Variants in CD3G observed in about 807,000 individuals in gnomAD.
The protein encoded by CD3G is T-cell surface glycoprotein CD3 gamma chain.
A neutral mutation model predicts 28.3 loss-of-function variants in CD3G; 24 were observed. The ratio of observed to expected loss-of-function variants is 0.85; its 90% confidence interval spans 0.61 to 1.19. The LOEUF is 1.19. Ranked by LOEUF, CD3G falls within the 50% of genes most tolerant of loss-of-function variation. The probability of loss-of-function intolerance (pLI) is 0.00; values close to 1 mark genes in which losing one functional copy is unlikely to be tolerated. For missense variants in CD3G, 211 were observed against 210.0 expected, an observed-to-expected ratio of 1.00 and a Z score of -0.03; for synonymous variants, 71 against 75.9, an observed-to-expected ratio of 0.93 and a Z score of 0.34.
intron 1 of CD3G, among the ~76,000 whole-genome samples, chr11:118,346,079 T>A (rs1435855682): frequency 6.6e-6 from 1 of 152,088 alleles, no homozygotes; most frequent in African/African-American, 2.4e-5. Context: ...TGGACACCAA[T>A]GAGCTATGTG....
chr11:118,349,877 T>A lies in CD3G; in HGVS notation c.214T>A (p.Trp72Arg), dbSNP rs1169220578. The A allele has an allele frequency of 3.1e-6, 5 of 1,613,764 alleles. No individual in the cohort carries two copies. Among genetic ancestry groups the A allele is most frequent in the Admixed American group, 1.7e-5 (1 of 59,992 alleles). Residue 72 changes from tryptophan (W) to arginine (R), a missense_variant, in exon 3 of 7, where the codon TGG becomes AGG. Transcript: ENST00000532917. ...CTTCCTAACTGAAGATAAAAAAAAA[T>A]GGAATCTGGGAAGTAATGCCAAGGA... is the stretch of plus-strand genomic sequence containing the variant. ...IGFLTEDKKK[W>R]NLGSNAKDPR... is the part of the protein sequence containing the mutation.
In CD3G at chr11:118,353,175, C is replaced by T. The variant is rs1433103785; in HGVS notation, c.*75C>T. On this transcript the variant is annotated 3_prime_UTR_variant, in exon 7 of 7. Coordinates refer to ENST00000532917, the MANE Select transcript of CD3G (RefSeq NM_000073.3). ...AATCAAAGCAATGCATTTTGGAAAG[C>T]TCCTAGCAGAGAGACTTTCAGCCCT... 1 of 152,478 alleles carries T rather than the reference C, an allele frequency of 6.6e-6. No individual in the cohort carries two copies. Among genetic ancestry groups the T allele is most frequent in the Non-Finnish European group, 1.5e-5 (1 of 68,312 alleles). The allele number at this position is 152,478 out of a possible 1,614,324, so 9.4% of individuals were successfully genotyped here.
intron 1 of CD3G, among the ~76,000 whole-genome samples, chr11:118,346,196 G>T (rs1479328780): frequency 6.6e-6 from 1 of 152,200 alleles, no homozygotes; most frequent in African/African-American, 2.4e-5. Context: ...CACTTTGGGA[G>T]GTCGAGGCAG....
chr11:118,351,406 A>T (rs533533077), intron 4 of CD3G, among the ~76,000 whole-genome samples: 2 of 152,240 alleles, frequency 1.3e-5, no homozygotes, highest in Non-Finnish European at 2.9e-5. Context: ...GACTTCTAAC[A>T]ACAAGGATTA....
At chr11:118,348,555 T>C (rs1948377041) in intron 1 of CD3G, among the ~76,000 whole-genome samples, 1 of 152,062 alleles carries the variant, frequency 6.6e-6, no homozygotes, top group Non-Finnish European at 1.5e-5. Context: ...CTCCACCAAG[T>C]TTTTATTGAG....
Position 118,349,749 on chromosome 11 carries a change from A to G in CD3G, c.86A>G (p.His29Arg). ...GTLAQSIKGNHLVKVYDYQED... is the reference protein window; with the variant it reads ...GTLAQSIKGNRLVKVYDYQED... ...ACGGCTTTTCTCATTTCAGGAAACC[A>G]CTTGGTTAAGGTGTATGACTATCAA... Residue 29 changes from histidine to arginine, a missense_variant, in exon 3 of 7, where the codon CAC (histidine) becomes CGC (arginine). By Grantham distance (29) the His-to-Arg change is conservative. Coordinates refer to ENST00000532917, the MANE Select transcript of CD3G (RefSeq NM_000073.3). 2 of 1,613,178 alleles carry G rather than the reference A, an allele frequency of 1.2e-6. No individual in the cohort carries two copies. The highest frequency in any genetic ancestry group is 8.5e-7 in the Non-Finnish European group (1 of 1,179,144).
chr11:118,351,492 C>T, intron 4 of CD3G, 136 bp from the exon 5 acceptor site: 3 of 786,866 alleles, frequency 3.8e-6, no homozygotes. Flanking sequence ...TTTCACTCAA[C>T]AACATGTTTA....
At chr11:118,350,798 T>A (rs1236668468) in intron 4 of CD3G, 115 bp downstream of exon 4, 14 of 1,589,638 alleles carry the variant, frequency 8.8e-6, no homozygotes, top group Non-Finnish European at 1.2e-5. Flanking sequence ...GTGTGCATAG[T>A]TGGGTGAGGC....
chr11:118,351,671 G>C lies in CD3G; in HGVS notation c.483G>C (p.Gln161His). 6.2e-7 allele frequency: 1 copy of C among 1,613,856 alleles called. No individual in the cohort carries two copies. The change falls in exon 5 of 7, where the codon CAG becomes CAC. Residue 161 changes from glutamine (Q) to histidine (H), a missense_variant and splice_region_variant. Transcript: ENST00000532917. ...TGTTGCCCAATGACCAGCTCTACCA[G>C]GTAAGGGGATGAAGAATAAAAGAGA... ...QTLLPNDQLY[Q>H]PLKDREDDQY... is the part of the protein sequence containing the mutation.
chr11:118,348,709 A>G (rs747414759), intron 1 of CD3G, among the ~76,000 whole-genome samples: 6 of 152,222 alleles, frequency 3.9e-5, no homozygotes, highest in Non-Finnish European at 7.3e-5. Flanking sequence ...CACCATCCTG[A>G]GTCATTGCCA....
Position 118,353,252 on chromosome 11 carries a change from A to G in CD3G, c.*152A>G, listed in dbSNP as rs1306928287. 1 of 152,202 alleles carries G rather than the reference A, an allele frequency of 6.6e-6. No homozygotes were observed. Among genetic ancestry groups the G allele is most frequent in the Non-Finnish European group, 1.5e-5 (1 of 68,034 alleles). The allele number at this position is 152,202 out of a possible 1,614,324, so 9.4% of individuals were successfully genotyped here. A position where few individuals can be genotyped will look rare whatever the true frequency, so the allele number is the denominator to read the frequency against. On this transcript the variant is annotated 3_prime_UTR_variant, in exon 7 of 7. Coordinates refer to ENST00000532917, the MANE Select transcript of CD3G (RefSeq NM_000073.3). The stretch of plus-strand genomic sequence containing the variant: ...TGACAAATGGAGAAGAAAGGCCATC[A>G]GAGCAAATTTGGGGGTTTCTCAAAT...
At chr11:118,352,329 AC>A (rs1948417517) in intron 5 of CD3G, 74 bp from the exon 6 acceptor site, 4 of 1,243,052 alleles carry the variant, frequency 3.2e-6, no homozygotes, top group South Asian at 2.4e-5. Context: ...CATATAAAAA[AC>A]ATTCAATAAA....
intron 1 of CD3G, among the ~76,000 whole-genome samples, chr11:118,346,917 T>C (rs552098789): frequency 3.3e-5 from 5 of 152,244 alleles, no homozygotes; most frequent in African/African-American, 9.6e-5. Context: ...CTCGGTCTTC[T>C]GACCAGGTGG....
intron 1 of CD3G, among the ~76,000 whole-genome samples, chr11:118,346,802 GA>G (rs1156655818): frequency 0.061 from 1,905 of 31,410 alleles, 31 homozygotes; most frequent in African/African-American, 0.17. Context: ...GACAGAGCAA[GA>G]AAAAAAAAAA....
At chr11:118,349,454 T>C (rs1948385478) in intron 2 of CD3G, 3 of 645,992 alleles carry the variant, frequency 4.6e-6, no homozygotes, top group African/African-American at 1.8e-5. Context: ...ATCTTCCAAA[T>C]AACATGCCCC....
intron 1 of CD3G, among the ~76,000 whole-genome samples, chr11:118,347,459 C>G (rs1948367296): frequency 2.0e-5 from 3 of 152,172 alleles, no homozygotes; most frequent in Admixed American, 6.5e-5. Flanking sequence ...TTGGAAGCAG[C>G]AGTTGATTCT....
At position 118,352,485 on chromosome 11, in the gene CD3G, T is replaced by G. The variant is rs1471807597; in HGVS notation, c.*16T>G. The G allele has an allele frequency of 1.9e-6, 3 of 1,607,636 alleles. No individual in the cohort carries two copies. In the South Asian group the frequency reaches 3.3e-5, roughly 18 times the overall value. ...GAGGAATTGAACTCAGGACTCAGAG[T>G]AGGTGGGTTCTTCAATGCCAATTCT... On this transcript the variant is annotated splice_region_variant and 3_prime_UTR_variant, in exon 6 of 7. Transcript: ENST00000532917.
chr11:118,350,941 C>T, intron 4 of CD3G: 1 of 1,145,620 alleles, frequency 8.7e-7, no homozygotes, highest in Non-Finnish European at 1.1e-6. Context: ...GTAATCACAA[C>T]ACTTTGGGAG....
At chr11:118,350,841 G>T in intron 4 of CD3G, 158 bp downstream of exon 4, 2 of 1,454,108 alleles carry the variant, frequency 1.4e-6, no homozygotes, top group East Asian at 3.4e-5. Flanking sequence ...AAGGATACTT[G>T]GTGTTATCAC....
Sources: gnomAD v4.1 joint callset for allele counts (sites outside exome capture counted in the v4.1 genomes callset) on GRCh38, gnomAD v4.1.1 for gene constraint, MANE v1.5 for transcripts, NCBI Gene and HGNC (gene_info 2026-07-23, HGNC 2026-07-21) for gene names.